ZFHX3: variants seen among roughly 807,000 people sequenced by gnomAD.
ZFHX3 encodes zinc finger homeobox protein 3.
Under a neutral mutation model 279.1 loss-of-function variants are expected in ZFHX3, and 42 were observed. That is an observed-to-expected ratio of 0.15 (90% CI 0.12 to 0.19). ZFHX3 has a LOEUF of 0.19. Among genes scored for constraint, ZFHX3 ranks in the 10% least tolerant of loss-of-function variants. The pLI is 1.00. For synonymous variants in ZFHX3, 2,293 were observed against 1,957.8 expected, an observed-to-expected ratio of 1.17 and a Z score of -4.52; for missense variants, 4,981 against 4,754.0, an observed-to-expected ratio of 1.05 and a Z score of -1.40.
chr16:73,759,968 G>A (rs1306887368), intron 1 of ZFHX3, among the ~76,000 whole-genome samples: 8 of 147,464 alleles, frequency 5.4e-5, no homozygotes, highest in African/African-American at 2.0e-4. Context: ...AGGAGATAGA[G>A]ACACTAAAAA....
intron 1 of ZFHX3, among the ~76,000 whole-genome samples, chr16:72,996,496 A>G (rs1963299253): frequency 6.6e-6 from 1 of 152,228 alleles, no homozygotes; most frequent in Admixed American, 6.5e-5. Context: ...AGAATCTATA[A>G]CCCATGCAGT....
chr16:73,751,923 C>G (rs905943491), intron 1 of ZFHX3, among the ~76,000 whole-genome samples: 3 of 152,110 alleles, frequency 2.0e-5, no homozygotes, highest in African/African-American at 7.2e-5. Context: ...ACAGCCTGGT[C>G]TTATGAGAAA....
Position 73,141,421 on chromosome 16 carries a change from G to A in ZFHX3, c.-1024+2331C>T, listed in dbSNP as rs570228658. On this transcript the variant is annotated intron_variant, in intron 6 of 17. Coordinates refer to the ZFHX3 transcript ENST00000641206. ...TAATTTTTTTTTTTTTTTCAGAGAC[G>A]GGGTTTTGCTCTGTCACCCAGGCTG... Among the ~76,000 whole-genome samples, 47 of 150,688 alleles carry A rather than the reference G, an allele frequency of 3.1e-4. 1 individual carries two copies. In the South Asian group the frequency reaches 8.4e-3, roughly 27 times the overall value.
At chr16:73,388,220 G>C (rs1375936919) in intron 3 of ZFHX3, among the ~76,000 whole-genome samples, 1 of 152,150 alleles carries the variant, frequency 6.6e-6, no homozygotes, top group African/African-American at 2.4e-5. Context: ...GGATGCTTGA[G>C]GAAGTGTCTA....
chr16:73,270,371 A>G (rs1039193235), intron 4 of ZFHX3, among the ~76,000 whole-genome samples: 4 of 152,208 alleles, frequency 2.6e-5, no homozygotes, highest in Admixed American at 1.3e-4. Context: ...CAGGAAGAGG[A>G]AAACATAGCC....
At chr16:73,844,951 C>G (rs999172133) in intron 1 of ZFHX3, among the ~76,000 whole-genome samples, 1 of 152,052 alleles carries the variant, frequency 6.6e-6, no homozygotes, top group Admixed American at 6.5e-5. Context: ...CAACCCCACA[C>G]TCTGCTGCTC....
chr16:73,606,762 G>T (rs1260146226), intron 2 of ZFHX3, among the ~76,000 whole-genome samples: 1 of 152,086 alleles, frequency 6.6e-6, no homozygotes, highest in Non-Finnish European at 1.5e-5. Flanking sequence ...GCCCCAGTGT[G>T]TGTTGTTTCC....
At chr16:73,679,134 T>A (rs2052984981) in intron 2 of ZFHX3, among the ~76,000 whole-genome samples, 2 of 152,138 alleles carry the variant, frequency 1.3e-5, no homozygotes, top group African/African-American at 4.8e-5. Context: ...GCTTATTTTT[T>A]TTTTTAATGG....
chr16:72,797,226 C>T lies in ZFHX3; in HGVS notation c.5456G>A (p.Ser1819Asn). The stretch of plus-strand genomic sequence containing the variant: ...TGTCCCAGTCAGTGTCAGTGCCCCA[C>T]TGGTCACTGGCAAGCTCACCTCGGG... ...LNPEVSLPVT[S>N]GALTLTGTGP... The change falls in exon 9 of 10, where the codon AGT becomes AAT. Residue 1819 changes from serine to asparagine, a missense_variant. Coordinates refer to ENST00000268489, the MANE Select transcript of ZFHX3 (RefSeq NM_006885.4). 1 of 1,613,978 alleles carries T rather than the reference C, an allele frequency of 6.2e-7. No homozygotes were observed. The highest frequency in any genetic ancestry group is 8.5e-7 in the Non-Finnish European group (1 of 1,179,966).
rs184663274 is a variant in ZFHX3, at chr16:73,693,776, G to T, written c.-1607-13536C>A. Among the ~76,000 whole-genome samples the T allele has an allele frequency of 1.5e-4, 23 of 152,154 alleles. No homozygotes were observed. In the East Asian group the frequency reaches 3.9e-3, roughly 26 times the overall value. ...TAAAATATCCACCTTCCATTTACAA[G>T]ATTTACTTCGAAATCCTTTGCCTGC... On this transcript the variant is annotated intron_variant, in intron 1 of 17. Coordinates refer to the ZFHX3 transcript ENST00000641206.
upstream of ZFHX3, among the ~76,000 whole-genome samples, chr16:73,048,728 C>G (rs1965391993): frequency 6.6e-6 from 1 of 152,254 alleles, no homozygotes; most frequent in Non-Finnish European, 1.5e-5. Flanking sequence ...TTATTGGAAA[C>G]ACACACCCAT....
At chr16:73,490,475 T>C (rs995765922) in intron 2 of ZFHX3, among the ~76,000 whole-genome samples, 4 of 152,198 alleles carry the variant, frequency 2.6e-5, no homozygotes, top group African/African-American at 7.2e-5. Context: ...GAAATAAAAA[T>C]TGAATTGCTA....
intron 3 of ZFHX3, among the ~76,000 whole-genome samples, chr16:72,916,441 T>A (rs181165026): frequency 1.3e-5 from 2 of 152,330 alleles, no homozygotes. Context: ...ATTATCCAGG[T>A]GGACCTCTCC....
intron 1 of ZFHX3, among the ~76,000 whole-genome samples, chr16:73,729,592 A>G (rs1399869720): frequency 6.6e-6 from 1 of 152,226 alleles, no homozygotes; most frequent in Non-Finnish European, 1.5e-5. Context: ...TTCCCAGATA[A>G]ATGACTTACA....
At chr16:73,230,352 C>G (rs1467323320) in intron 5 of ZFHX3, among the ~76,000 whole-genome samples, 1 of 152,158 alleles carries the variant, frequency 6.6e-6, no homozygotes, top group Non-Finnish European at 1.5e-5. Context: ...AATAGTTTAA[C>G]TGTTTTAGGA....
intron 1 of ZFHX3, among the ~76,000 whole-genome samples, chr16:73,697,023 T>C (rs2053203835): frequency 6.6e-6 from 1 of 152,066 alleles, no homozygotes; most frequent in South Asian, 2.1e-4. Context: ...AAGGGGAAAA[T>C]GTAGAAAAAA....
At chr16:73,759,743 G>C (rs1043543424) in intron 1 of ZFHX3, among the ~76,000 whole-genome samples, 1 of 151,934 alleles carries the variant, frequency 6.6e-6, no homozygotes, top group Non-Finnish European at 1.5e-5. Flanking sequence ...CAGTATTATG[G>C]GCCCAATTCT....
chr16:73,207,956 C>A (rs541046065), intron 5 of ZFHX3, among the ~76,000 whole-genome samples: 10 of 152,290 alleles, frequency 6.6e-5, no homozygotes, highest in Middle Eastern at 6.8e-3. Flanking sequence ...TCTGAGGAAT[C>A]TATCCTACAG....
intron 2 of ZFHX3, among the ~76,000 whole-genome samples, chr16:73,605,793 G>C (rs181762052): frequency 6.6e-6 from 1 of 152,140 alleles, no homozygotes; most frequent in African/African-American, 2.4e-5. Flanking sequence ...AGGCCAAGAG[G>C]TAAAGTGAAA....
Sources: allele counts gnomAD v4.1 joint callset (sites outside exome capture counted in the v4.1 genomes callset), GRCh38; gene constraint gnomAD v4.1.1; transcripts MANE v1.5; gene names NCBI Gene and HGNC (gene_info 2026-07-23, HGNC 2026-07-21).